The following CLIP4 variants were observed in gnomAD, a reference collection of about 807,000 sequenced individuals.
CLIP4 encodes the protein CAP-Gly domain-containing linker protein 4.
CLIP4 carries 47 observed loss-of-function variants against 73.1 expected under a neutral mutation model. The observed-to-expected ratio is 0.64, with a 90% CI of 0.51 to 0.82. The LOEUF is 0.82. CLIP4 is among the 40% of genes least tolerant of loss of function. CLIP4 has a pLI of 0.00. For missense variants in CLIP4, 874 were observed against 852.9 expected, an observed-to-expected ratio of 1.02 and a Z score of -0.31; for synonymous variants, 306 against 295.4, an observed-to-expected ratio of 1.04 and a Z score of -0.37.
intron 2 of CLIP4, among the ~76,000 whole-genome samples, chr2:29,126,763 G>T (rs112424971): frequency 1.7e-4 from 26 of 152,322 alleles, no homozygotes; most frequent in African/African-American, 6.0e-4. Context: ...AGGCACAAAG[G>T]TTCCTTACAT....
In CLIP4 at chr2:29,143,783, A is replaced by T; in HGVS notation, c.723A>T (p.Ala241=). Residue 241 remains alanine (A), a synonymous_variant, in exon 7 of 16, where the codon GCA becomes GCT. Coordinates refer to ENST00000320081, the MANE Select transcript of CLIP4 (RefSeq NM_024692.6). ...TGCCGTTAGAGATGGCTGACGCCGC[A>T]GCCACTGCTAAGGAAATCAAGCAGA... ...VDMPLEMADA[A]ATAKEIKQML... 1 of 1,614,128 alleles carries T rather than the reference A, an allele frequency of 6.2e-7. No individual in the cohort carries two copies. Among genetic ancestry groups the T allele is most frequent in the South Asian group, 1.1e-5 (1 of 91,084 alleles).
intron 13 of CLIP4, among the ~76,000 whole-genome samples, chr2:29,164,918 A>G (rs1667508382): frequency 6.6e-6 from 1 of 152,236 alleles, no homozygotes; most frequent in South Asian, 2.1e-4. Context: ...TGTAGTTTAT[A>G]AAGTATTTTC....
intron 6 of CLIP4, among the ~76,000 whole-genome samples, chr2:29,141,881 T>C (rs896184609): frequency 3.3e-5 from 5 of 152,184 alleles, no homozygotes; most frequent in Admixed American, 2.0e-4. Flanking sequence ...GTAGCCTTGA[T>C]TGTGTAGTTG....
intron 1 of CLIP4, among the ~76,000 whole-genome samples, chr2:29,105,146 A>G (rs1050436024): frequency 6.6e-6 from 1 of 152,232 alleles, no homozygotes; most frequent in African/African-American, 2.4e-5. Context: ...CAGAAAAGAC[A>G]GATTTCCATC....
chr2:29,125,978 C>T (rs1318155432), intron 2 of CLIP4, among the ~76,000 whole-genome samples: 2 of 152,078 alleles, frequency 1.3e-5, no homozygotes, highest in Non-Finnish European at 2.9e-5. Context: ...AGTTCAAGAC[C>T]AGCCTGACCA....
chr2:29,169,251 G>A (rs1290481310), intron 14 of CLIP4, among the ~76,000 whole-genome samples: 2 of 151,948 alleles, frequency 1.3e-5, no homozygotes, highest in African/African-American at 4.8e-5. Flanking sequence ...GTGTTGGCAG[G>A]TTTGGTTTAT....
At chr2:29,143,354 T>TC (rs763082307) in intron 6 of CLIP4, among the ~76,000 whole-genome samples, 1 of 151,128 alleles carries the variant, frequency 6.6e-6, no homozygotes. Context: ...CTAAAGAGTT[T>TC]CCCCTACAAC....
chr2:29,130,896 C>T, intron 2 of CLIP4: 1 of 1,290,302 alleles, frequency 7.8e-7, no homozygotes, highest in Non-Finnish European at 1.0e-6. Flanking sequence ...TGGTGAGTTA[C>T]CTCAGCAAGT....
At chr2:29,120,183 G>A (rs2148460451) in intron 1 of CLIP4, among the ~76,000 whole-genome samples, 1 of 152,192 alleles carries the variant, frequency 6.6e-6, no homozygotes, top group East Asian at 1.9e-4. Flanking sequence ...AAGAAAATGT[G>A]AATACCTTAA....
intron 8 of CLIP4, among the ~76,000 whole-genome samples, chr2:29,147,474 ATTAC>A (rs1038027241): frequency 2.6e-5 from 4 of 152,070 alleles, no homozygotes; most frequent in African/African-American, 9.7e-5. Flanking sequence ...CAATTCTTAT[ATTAC>A]TTTTATGCTT....
At chr2:29,139,061 G>T (rs764988547) in intron 6 of CLIP4, among the ~76,000 whole-genome samples, 3 of 152,114 alleles carry the variant, frequency 2.0e-5, no homozygotes, top group Admixed American at 6.5e-5. Context: ...AGTGACAGTG[G>T]ACATTCTTGT....
rs1278625135 is a variant in CLIP4, at chr2:29,156,460, CCT to C, written c.1255+20_1255+21del. 1 of 1,498,844 alleles carries C rather than the reference CCT, an allele frequency of 6.7e-7. No homozygotes were observed. The highest frequency in any genetic ancestry group is 9.0e-7 in the Non-Finnish European group (1 of 1,112,530). The allele number at this position is 1,498,844 out of a possible 1,614,324, so 92.8% of individuals were successfully genotyped here. ...AGAAAGATGGTAATATACCTTGTAA[CCT>C]CTGTTTCTCAAAATTTAACTTTTGA... is the stretch of plus-strand genomic sequence containing the variant. On this transcript the variant is annotated intron_variant, in intron 10 of 15. Transcript: ENST00000320081.
chr2:29,180,070 G>A lies in CLIP4; in HGVS notation c.1797-1502G>A, dbSNP rs77444480. On this transcript the variant is annotated intron_variant, in intron 15 of 15. Coordinates refer to ENST00000320081, the MANE Select transcript of CLIP4 (RefSeq NM_024692.6). ...GTGAAATGAAATATGAAATAAGTAA[G>A]ACCCAGATTCTGTTCACAACAAGAT... 7.1e-3 allele frequency among the ~76,000 whole-genome samples: 1,076 copies of A among 152,296 alleles called. 12 individuals carry two copies. Among genetic ancestry groups the A allele is most frequent in the African/African-American group, 0.024 (1,011 of 41,564 alleles).
In CLIP4 at chr2:29,145,264, A is replaced by G. The variant is rs750368640; in HGVS notation, c.918A>G (p.Glu306=). The change falls in exon 8 of 16, where the codon GAA becomes GAG. Residue 306 remains glutamate, a synonymous_variant. Transcript: ENST00000320081. ...VGTLRFCGTT[E]FASGQWAGIE... is the part of the protein sequence containing the mutation. ...CATTAAGATTTTGTGGAACAACTGA[A>G]TTTGCAAGTGGGCAGTGGGCTGGCA... The G allele has an allele frequency of 5.6e-6, 9 of 1,613,508 alleles. No individual in the cohort carries two copies. Among genetic ancestry groups the G allele is most frequent in the Non-Finnish European group, 3.4e-6 (4 of 1,179,800 alleles).
intron 1 of CLIP4, among the ~76,000 whole-genome samples, chr2:29,102,596 C>A (rs79232429): frequency 6.6e-6 from 1 of 152,098 alleles, no homozygotes; most frequent in South Asian, 2.1e-4. Context: ...TGTCTCATCC[C>A]TTCTCTGAAG....
chr2:29,154,497 GT>G (rs1444417537), intron 9 of CLIP4, among the ~76,000 whole-genome samples: 1 of 152,124 alleles, frequency 6.6e-6, no homozygotes, highest in Non-Finnish European at 1.5e-5. Flanking sequence ...ATCCACATTG[GT>G]TTTTCTTCTG....
intron 1 of CLIP4, among the ~76,000 whole-genome samples, chr2:29,104,557 G>A (rs529553101): frequency 1.3e-5 from 2 of 152,328 alleles, no homozygotes; most frequent in South Asian, 4.1e-4. Context: ...AAAGTGCTGG[G>A]ATTACAGGCG....
rs571649344 is a variant in CLIP4 at position 29,181,935 on chromosome 2, G to A, written c.*42G>A. On this transcript the variant is annotated 3_prime_UTR_variant, in exon 16 of 16. Transcript: ENST00000320081. ...ATAAGCTCAAATATATATATTTGGTGTAAATAAAGAGTCCATGGTAAATGG... is the reference window on the plus strand; with the variant it reads ...ATAAGCTCAAATATATATATTTGGTATAAATAAAGAGTCCATGGTAAATGG... The A allele has an allele frequency of 1.0e-5, 15 of 1,464,298 alleles. No individual in the cohort carries two copies. In the Admixed American group the frequency reaches 2.6e-4, roughly 25 times the overall value. The allele number at this position is 1,464,298 out of a possible 1,614,324, so 90.7% of individuals were successfully genotyped here. A position where few individuals can be genotyped will look rare whatever the true frequency, so the allele number is the denominator to read the frequency against.
chr2:29,120,135 T>C (rs940929949), intron 1 of CLIP4, among the ~76,000 whole-genome samples: 1 of 152,202 alleles, frequency 6.6e-6, no homozygotes, highest in Admixed American at 6.5e-5. Flanking sequence ...AATGTCAAAA[T>C]GCTTCTAAGT....
Sources: allele counts gnomAD v4.1 joint callset (sites outside exome capture counted in the v4.1 genomes callset), GRCh38; gene constraint gnomAD v4.1.1; transcripts MANE v1.5; gene names NCBI Gene and HGNC (gene_info 2026-07-23, HGNC 2026-07-21).